The following ATP10B variants were observed in gnomAD, a reference collection of about 807,000 sequenced individuals.
ATP10B encodes the protein ATPase phospholipid transporting 10B (putative).
A neutral mutation model predicts 141.2 loss-of-function variants in ATP10B; 122 were observed. The observed-to-expected ratio is 0.86, with a 90% CI of 0.75 to 1.00. ATP10B has a LOEUF of 1.00. ATP10B is among the 50% of genes least tolerant of loss of function. ATP10B has a pLI of 0.00. For synonymous variants in ATP10B, 685 were observed against 692.0 expected (o/e 0.99, Z 0.16); for missense variants, 1,876 against 1,825.3 (o/e 1.03, Z -0.51).
chr5:160,836,017 T>C (rs1178655666), intron 1 of ATP10B, among the ~76,000 whole-genome samples: 2 of 152,084 alleles, frequency 1.3e-5, no homozygotes, highest in African/African-American at 4.8e-5. Flanking sequence ...AAATACCACA[T>C]GTTCTCACTC....
intron 12 of ATP10B, chr5:160,633,309 C>G (rs1561672455): frequency 1.3e-5 from 2 of 152,190 alleles, no homozygotes; most frequent in Non-Finnish European, 2.9e-5. Context: ...TGGAACCAAC[C>G]CCAGTGCCCA....
intron 22 of ATP10B, among the ~76,000 whole-genome samples, chr5:160,591,990 ACT>A (rs1408300063): frequency 1.3e-5 from 2 of 151,870 alleles, no homozygotes; most frequent in Admixed American, 6.6e-5. Context: ...GGTGCAAGAC[ACT>A]CTCTGGCATT....
Position 160,565,704 on chromosome 5 carries a change from C to A in ATP10B, c.4135G>T (p.Ala1379Ser), listed in dbSNP as rs751389307. 6 of 1,613,958 alleles carry A rather than the reference C, an allele frequency of 3.7e-6. No individual in the cohort carries two copies. Among genetic ancestry groups the A allele is most frequent in the African/African-American group, 1.3e-5 (1 of 74,912 alleles). Residue 1379 changes from alanine (A) to serine (S), a missense_variant, in exon 26 of 26, where the codon GCC becomes TCC. Ala to Ser is a moderately conservative substitution (Grantham distance 99). Transcript: ENST00000327245. ...GGGTTAGAGCTCTTTGGGGTGCTGGCACTGAAGTCCTGTCCTGTGATAGAT... is the reference window on the plus strand; with the variant it reads ...GGGTTAGAGCTCTTTGGGGTGCTGGAACTGAAGTCCTGTCCTGTGATAGAT... ...VSSITGQDFSASTPKSSNPPK... is the reference protein window; with the variant it reads ...VSSITGQDFSSSTPKSSNPPK...
chr5:160,670,980 T>C (rs1305671763), intron 6 of ATP10B, among the ~76,000 whole-genome samples: 1 of 151,566 alleles, frequency 6.6e-6, no homozygotes, highest in African/African-American at 2.4e-5. Context: ...GCCTGGCCCA[T>C]ATGGTGAAAC....
At chr5:160,798,509 A>G (rs1348885375) in intron 1 of ATP10B, among the ~76,000 whole-genome samples, 1 of 152,106 alleles carries the variant, frequency 6.6e-6, no homozygotes, top group Non-Finnish European at 1.5e-5. Flanking sequence ...CAAGTCTACA[A>G]TCTAAGGAAC....
chr5:160,783,588 C>CACACACACAT (rs1412631857), intron 2 of ATP10B, among the ~76,000 whole-genome samples: 7 of 130,976 alleles, frequency 5.3e-5, no homozygotes, highest in African/African-American at 1.7e-4. Flanking sequence ...CACACACACA[C>CACACACACAT]ACACACACAT....
At chr5:160,596,227 G>C (rs1017999790) in intron 22 of ATP10B, among the ~76,000 whole-genome samples, 2 of 152,148 alleles carry the variant, frequency 1.3e-5, no homozygotes, top group East Asian at 1.9e-4. Flanking sequence ...GGGATGCAAG[G>C]CTGGTTCAAT....
chr5:160,665,111 T>G (rs1370149807), intron 7 of ATP10B, among the ~76,000 whole-genome samples: 1 of 152,088 alleles, frequency 6.6e-6, no homozygotes, highest in African/African-American at 2.4e-5. Flanking sequence ...GTCAATAATT[T>G]TATAAATTCA....
intron 2 of ATP10B, among the ~76,000 whole-genome samples, chr5:160,722,349 G>T (rs1275513630): frequency 6.6e-6 from 1 of 152,134 alleles, no homozygotes. Context: ...AAAATCAGGG[G>T]AAATTATTAT....
upstream of ATP10B, among the ~76,000 whole-genome samples, chr5:160,853,168 A>G (rs866355104): frequency 2.0e-5 from 3 of 152,160 alleles, no homozygotes; most frequent in Non-Finnish European, 4.4e-5. Flanking sequence ...AAGAACATGA[A>G]ATTTGCCTAT....
chr5:160,716,135 C>T (rs575521719), intron 3 of ATP10B, among the ~76,000 whole-genome samples: 12 of 152,180 alleles, frequency 7.9e-5, no homozygotes, highest in South Asian at 2.1e-4. Context: ...ATATTAATTA[C>T]GTCATCATTC....
chr5:160,647,665 G>A (rs528930516), intron 8 of ATP10B, among the ~76,000 whole-genome samples: 55 of 152,302 alleles, frequency 3.6e-4, no homozygotes, highest in South Asian at 1.0e-3. Flanking sequence ...GACTCAAGGC[G>A]TGAGGGATTT....
the ATP10B span, among the ~76,000 whole-genome samples, chr5:160,878,590 G>A: frequency 2.8e-3 from 425 of 151,726 alleles, 2 homozygotes; most frequent in African/African-American, 9.9e-3. Context: ...CCGTCAGAGC[G>A]AACAGGCAAC....
At chr5:160,659,786 G>A (rs755938463) in intron 7 of ATP10B, among the ~76,000 whole-genome samples, 40 of 152,056 alleles carry the variant, frequency 2.6e-4, no homozygotes, top group Non-Finnish European at 4.9e-4. Flanking sequence ...CATTTATAGA[G>A]CTTTAGAATT....
chr5:160,614,160 A>C (rs1757874561), intron 17 of ATP10B: 1 of 152,162 alleles, frequency 6.6e-6, no homozygotes, highest in African/African-American at 2.4e-5. Flanking sequence ...CCATATGCAC[A>C]GGTAAACAAC....
rs1759429593 is a variant in ATP10B at position 160,636,978 on chromosome 5, C to CCCCA, written c.1001-670_1001-669insTGGG. 3.9e-5 allele frequency among the ~76,000 whole-genome samples: 4 copies of CCCCA among 102,392 alleles called. No homozygotes were observed. The South Asian group carries it at 1.6e-3, about 41-fold the overall frequency. 67.2% of individuals were successfully genotyped at this position (102,392 alleles called of 152,430 possible). A position where few individuals can be genotyped will look rare whatever the true frequency, so the allele number is the denominator to read the frequency against. On this transcript the variant is annotated intron_variant, in intron 10 of 25. Coordinates refer to ENST00000327245, the MANE Select transcript of ATP10B (RefSeq NM_025153.3). The stretch of plus-strand genomic sequence containing the variant: ...CACCCATCTATCCATCCATCAATCC[C>CCCCA]TCCATCCACCCACCCACCCATCCAT...
the ATP10B span, among the ~76,000 whole-genome samples, chr5:160,872,612 C>A: frequency 1.3e-5 from 2 of 152,194 alleles, no homozygotes; most frequent in Non-Finnish European, 2.9e-5. Flanking sequence ...ATTATCCTAG[C>A]ACCATTTGTT....
chr5:160,868,767 A>G, the ATP10B span, among the ~76,000 whole-genome samples: 1 of 152,268 alleles, frequency 6.6e-6, no homozygotes, highest in South Asian at 2.1e-4. Context: ...TAACTTTCCA[A>G]GAATATTTGA....
chr5:160,838,385 G>GT (rs1345856845), intron 1 of ATP10B, among the ~76,000 whole-genome samples: 2 of 152,200 alleles, frequency 1.3e-5, no homozygotes, highest in Non-Finnish European at 2.9e-5. Flanking sequence ...AGACAGGCCT[G>GT]TCATCTGGTT....
Sources: gnomAD v4.1 joint callset for allele counts (sites outside exome capture counted in the v4.1 genomes callset) on GRCh38, gnomAD v4.1.1 for gene constraint, MANE v1.5 for transcripts, NCBI Gene and HGNC (gene_info 2026-07-23, HGNC 2026-07-21) for gene names.